B3GALT1: variants seen among roughly 807,000 people sequenced by gnomAD.
B3GALT1 encodes the protein beta-1,3-galactosyltransferase 1.
B3GALT1 carries 10 observed loss-of-function variants against 23.2 expected under a neutral mutation model. The ratio of observed to expected loss-of-function variants is 0.43; its 90% confidence interval spans 0.27 to 0.73. The LOEUF (loss-of-function observed/expected upper bound fraction) is 0.73, where lower values mean the gene tolerates loss of function less well. B3GALT1 is among the 30% of genes least tolerant of loss of function. The pLI is 0.21. For missense variants in B3GALT1, 299 were observed against 405.4 expected (o/e 0.74, Z 2.25); for synonymous variants, 156 against 141.5 (o/e 1.10, Z -0.73).
At chr2:167,459,344 C>T (rs1202554017) in intron 1 of B3GALT1, among the ~76,000 whole-genome samples, 1 of 152,116 alleles carries the variant, frequency 6.6e-6, no homozygotes, top group African/African-American at 2.4e-5. Context: ...AATATTATAA[C>T]TTGAATTTAT....
At chr2:167,856,450 C>T (rs1336393575) in intron 4 of B3GALT1, among the ~76,000 whole-genome samples, 1 of 152,060 alleles carries the variant, frequency 6.6e-6, no homozygotes, top group Non-Finnish European at 1.5e-5. Flanking sequence ...CATGAGTACT[C>T]CATGCTGATG....
At chr2:167,303,049 A>C (rs1696475451) in intron 1 of B3GALT1, among the ~76,000 whole-genome samples, 1 of 152,196 alleles carries the variant, frequency 6.6e-6, no homozygotes, top group South Asian at 2.1e-4. Flanking sequence ...TGATGATCTC[A>C]TGAACTATAT....
intron 1 of B3GALT1, among the ~76,000 whole-genome samples, chr2:167,377,435 G>A (rs1697782354): frequency 6.6e-6 from 1 of 152,078 alleles, no homozygotes; most frequent in Non-Finnish European, 1.5e-5. Flanking sequence ...GGGTGTTGAA[G>A]TCCCCCACTA....
chr2:167,793,858 C>T (rs1307247729), intron 3 of B3GALT1, among the ~76,000 whole-genome samples: 2 of 152,164 alleles, frequency 1.3e-5, no homozygotes. Context: ...TCTATAAATT[C>T]CCTGAGCACA....
chr2:167,573,949 T>C (rs1264939174), intron 2 of B3GALT1, among the ~76,000 whole-genome samples: 2 of 151,642 alleles, frequency 1.3e-5, no homozygotes, highest in African/African-American at 4.8e-5. Flanking sequence ...GCCATATGAA[T>C]TTATGAAAAC....
chr2:167,534,456 A>G (rs951333745), intron 2 of B3GALT1, among the ~76,000 whole-genome samples: 5 of 152,114 alleles, frequency 3.3e-5, no homozygotes, highest in African/African-American at 1.2e-4. Flanking sequence ...GAATTTGTTC[A>G]CGGTTTGCCC....
At chr2:167,575,429 A>G (rs1013211083) in intron 2 of B3GALT1, among the ~76,000 whole-genome samples, 12 of 151,908 alleles carry the variant, frequency 7.9e-5, no homozygotes, top group East Asian at 3.9e-4. Context: ...ATTTCCTTCT[A>G]TGTCTTCATA....
At chr2:167,319,058 G>A (rs907744658) in intron 1 of B3GALT1, among the ~76,000 whole-genome samples, 2 of 152,150 alleles carry the variant, frequency 1.3e-5, no homozygotes, top group Admixed American at 6.5e-5. Context: ...ATGGGCTTTA[G>A]AGAACTTCAG....
chr2:167,545,943 TTA>T (rs1426716973), intron 2 of B3GALT1, among the ~76,000 whole-genome samples: 1 of 152,230 alleles, frequency 6.6e-6, no homozygotes, highest in Non-Finnish European at 1.5e-5. Flanking sequence ...CAAAATTCAT[TTA>T]TGTTTCATAT....
At chr2:167,417,495 G>A (rs1057093302) in intron 1 of B3GALT1, among the ~76,000 whole-genome samples, 2 of 152,114 alleles carry the variant, frequency 1.3e-5, no homozygotes, top group African/African-American at 4.8e-5. Flanking sequence ...TCCTTTTTAG[G>A]TGTTCTGCTA....
intron 3 of B3GALT1, among the ~76,000 whole-genome samples, chr2:167,661,357 T>C (rs1686057236): frequency 6.6e-6 from 1 of 152,100 alleles, no homozygotes; most frequent in Non-Finnish European, 1.5e-5. Context: ...AAGCCCATTA[T>C]GGAGCAGCTT....
chr2:167,476,343 G>A (rs1221821579), intron 1 of B3GALT1, among the ~76,000 whole-genome samples: 1 of 152,190 alleles, frequency 6.6e-6, no homozygotes, highest in Non-Finnish European at 1.5e-5. Context: ...TTTGTTTAAT[G>A]TCAGTAGACA....
chr2:167,372,493 C>T (rs1431601060), intron 1 of B3GALT1, among the ~76,000 whole-genome samples: 2 of 151,938 alleles, frequency 1.3e-5, no homozygotes, highest in African/African-American at 4.8e-5. Flanking sequence ...GTTGGAGACT[C>T]TAGCCAGTAA....
chr2:167,806,611 A>G (rs1443845443), intron 3 of B3GALT1, among the ~76,000 whole-genome samples: 4 of 152,106 alleles, frequency 2.6e-5, no homozygotes, highest in Non-Finnish European at 5.9e-5. Flanking sequence ...TATATGCTGG[A>G]TTACGTTTAT....
intron 3 of B3GALT1, among the ~76,000 whole-genome samples, chr2:167,791,780 G>A (rs922021333): frequency 2.0e-5 from 3 of 151,864 alleles, no homozygotes; most frequent in Non-Finnish European, 2.9e-5. Flanking sequence ...CCTTGTAAAC[G>A]AGGATGAAAA....
Position 167,336,783 on chromosome 2 carries a change from A to C in B3GALT1, c.-511+43449A>C, listed in dbSNP as rs1697064101. Among the ~76,000 whole-genome samples, 4 of 151,942 alleles carry C rather than the reference A, an allele frequency of 2.6e-5. No individual in the cohort carries two copies. In the South Asian group the frequency reaches 8.3e-4, roughly 32 times the overall value. On this transcript the variant is annotated intron_variant, in intron 1 of 4. Coordinates refer to ENST00000392690, the MANE Select transcript of B3GALT1 (RefSeq NM_020981.4). The stretch of plus-strand genomic sequence containing the variant: ...TATGGTATATATTGATTTTTTCTTA[A>C]ATCAGTAGTTGGCCTATAATAACTT...
At chr2:167,856,400 A>C (rs1431553504) in intron 4 of B3GALT1, among the ~76,000 whole-genome samples, 1 of 152,156 alleles carries the variant, frequency 6.6e-6, no homozygotes, top group African/African-American at 2.4e-5. Flanking sequence ...GCTGGTGAAC[A>C]TATTTGGAGA....
chr2:167,733,855 G>A (rs1216725021), intron 3 of B3GALT1, among the ~76,000 whole-genome samples: 1 of 152,156 alleles, frequency 6.6e-6, no homozygotes, highest in East Asian at 1.9e-4. Context: ...GATGTTGTGT[G>A]GCAACTGACA....
chr2:167,564,888 T>TCATG (rs1460622854), intron 2 of B3GALT1, among the ~76,000 whole-genome samples: 1 of 152,224 alleles, frequency 6.6e-6, no homozygotes, highest in African/African-American at 2.4e-5. Context: ...CATTCCATGC[T>TCATG]CATGGGTAGG....
Sources: allele counts gnomAD v4.1 joint callset (sites outside exome capture counted in the v4.1 genomes callset), GRCh38; gene constraint gnomAD v4.1.1; transcripts MANE v1.5; gene names NCBI Gene and HGNC (gene_info 2026-07-23, HGNC 2026-07-21).